ZNF227: variants seen among roughly 807,000 people sequenced by gnomAD.
The protein encoded by ZNF227 is zinc finger protein 227.
ZNF227 carries 12 observed loss-of-function variants against 13.2 expected under a neutral mutation model. The ratio of observed to expected loss-of-function variants is 0.91; its 90% CI spans 0.58 to 1.47. The LOEUF (loss-of-function observed/expected upper bound fraction) is 1.47. ZNF227 is among the 40% of genes most tolerant of loss of function. The pLI is 0.00. For synonymous variants in ZNF227, 338 were observed against 326.0 expected (o/e 1.04, Z -0.40); for missense variants, 885 against 967.5 (o/e 0.91, Z 1.13).
At chr19:44,221,939 A>ATT (rs1412201416) in intron 3 of ZNF227, among the ~76,000 whole-genome samples, 3 of 152,198 alleles carry the variant, frequency 2.0e-5, no homozygotes, top group Non-Finnish European at 4.4e-5. Flanking sequence ...TAATTTTTGT[A>ATT]TAAAGTGTAA....
rs1207618198 is a variant in ZNF227 at position 44,228,457 on chromosome 19, A to G, written c.72A>G (p.Thr24=). The G allele has an allele frequency of 6.2e-7, 1 of 1,612,996 alleles. No individual in the cohort carries two copies. The highest frequency in any genetic ancestry group is 1.3e-5 in the African/African-American group (1 of 74,744). ...EKMTKFQEAV[T]FKDVAVVFSR... ...GTTTGATATTGTAGGAGGCTGTGACATTCAAGGATGTGGCTGTGGTCTTCT... is the reference window on the plus strand; with the variant it reads ...GTTTGATATTGTAGGAGGCTGTGACGTTCAAGGATGTGGCTGTGGTCTTCT... Residue 24 remains threonine (T), a synonymous_variant, in exon 4 of 6, where the codon ACA becomes ACG. Transcript: ENST00000313040.
intron 2 of ZNF227, among the ~76,000 whole-genome samples, chr19:44,214,526 C>T (rs1018851158): frequency 6.6e-6 from 1 of 151,914 alleles, no homozygotes; most frequent in Non-Finnish European, 1.5e-5. Flanking sequence ...TACAGGTGTG[C>T]GCCATCACTC....
chr19:44,235,623 A>G lies in ZNF227; in HGVS notation c.1193A>G (p.His398Arg). ...GGTTGGAGTGTTAATCTCCGTGTTC[A>G]CCAGAGGGTCCACAGGGGTGAGAAG... is the stretch of plus-strand genomic sequence containing the variant. ...GFGWSVNLRV[H>R]QRVHRGEKPY... Residue 398 changes from histidine to arginine, a missense_variant, in exon 6 of 6, where the codon CAC (histidine) becomes CGC (arginine). By Grantham distance (29) the His-to-Arg change is conservative (BLOSUM62 0). Coordinates refer to ENST00000313040, the MANE Select transcript of ZNF227 (RefSeq NM_182490.3). 1 of 1,614,162 alleles carries G rather than the reference A, an allele frequency of 6.2e-7. No homozygotes were observed. Among genetic ancestry groups the G allele is most frequent in the Non-Finnish European group, 8.5e-7 (1 of 1,180,022 alleles).
chr19:44,228,345 C>A, intron 3 of ZNF227, 101 bp from the exon 4 acceptor site: 2 of 1,394,586 alleles, frequency 1.4e-6, no homozygotes, highest in Non-Finnish European at 1.9e-6. Context: ...CTCTTGGAAT[C>A]TATAACAACT....
chr19:44,234,563 C>A, intron 5 of ZNF227, 139 bp from the exon 6 acceptor site: 1 of 751,486 alleles, frequency 1.3e-6, no homozygotes, highest in Non-Finnish European at 2.1e-6. Context: ...AAAGAATACA[C>A]GATGCTGTAA....
At chr19:44,210,879 G>A (rs560553468), upstream of ZNF227, among the ~76,000 whole-genome samples, 21 of 152,246 alleles carry the variant, frequency 1.4e-4, no homozygotes, top group East Asian at 3.7e-3. Flanking sequence ...TAAACTAGAG[G>A]ACATTATTTG....
chr19:44,222,321 G>A (rs1972614352), intron 3 of ZNF227, among the ~76,000 whole-genome samples: 1 of 152,142 alleles, frequency 6.6e-6, no homozygotes, highest in Non-Finnish European at 1.5e-5. Flanking sequence ...TAGCTTGATG[G>A]GGATGGCATT....
rs1450457261 is a variant in ZNF227, at chr19:44,217,786, C to A, written c.-2-5C>A. ...GTGTCTCATGGCGTCTTTGGTCTCC[C>A]CCAGTTATGCCATCTCAGAACTATG... On this transcript the variant is annotated splice_polypyrimidine_tract_variant and splice_region_variant and intron_variant, in intron 2 of 5. Transcript: ENST00000313040. 1 of 1,614,218 alleles carries A rather than the reference C, an allele frequency of 6.2e-7. No individual in the cohort carries two copies. Among genetic ancestry groups the A allele is most frequent in the African/African-American group, 1.3e-5 (1 of 75,068 alleles).
chr19:44,222,974 G>C (rs1399637235), intron 3 of ZNF227, among the ~76,000 whole-genome samples: 2 of 151,886 alleles, frequency 1.3e-5, no homozygotes, highest in Non-Finnish European at 2.9e-5. Context: ...TTAGCATGAA[G>C]GGTTGTTGAA....
intron 2 of ZNF227, 125 bp from the exon 3 acceptor site, chr19:44,217,666 G>A: frequency 9.8e-7 from 1 of 1,023,242 alleles, no homozygotes; most frequent in Non-Finnish European, 1.6e-6. Context: ...TACAGTCCAT[G>A]TTCTGCTTAC....
Position 44,236,302 on chromosome 19 carries a change from A to C in ZNF227, c.1872A>C (p.Arg624Ser). The change falls in exon 6 of 6, where the codon AGA (arginine) becomes AGC (serine). Residue 624 changes from arginine to serine, a missense_variant. Coordinates refer to ENST00000313040, the MANE Select transcript of ZNF227 (RefSeq NM_182490.3). ...CCATAGATTTTCGGGTACATCAGAG[A>C]GTCCATACTGGAGAGAAGCCATACA... ...SQAIDFRVHQ[R>S]VHTGEKPYKC... 1 of 1,613,742 alleles carries C rather than the reference A, an allele frequency of 6.2e-7. No homozygotes were observed. Among genetic ancestry groups the C allele is most frequent in the Non-Finnish European group, 8.5e-7 (1 of 1,179,882 alleles).
intron 3 of ZNF227, among the ~76,000 whole-genome samples, chr19:44,227,796 A>T (rs1415017961): frequency 1.3e-5 from 2 of 152,238 alleles, no homozygotes; most frequent in African/African-American, 4.8e-5. Flanking sequence ...GAACCTGGCC[A>T]GACTCCAGAG....
Position 44,219,799 on chromosome 19 carries a change from C to CT in ZNF227, c.60+1950dup, listed in dbSNP as rs1226896140. On this transcript the variant is annotated intron_variant, in intron 3 of 5. Transcript: ENST00000313040. The stretch of plus-strand genomic sequence containing the variant: ...TATTTATTTATTTATTATTATTATA[C>CT]TTTAAGTTTTAGGGTACATGTGCAC... 7.4e-5 allele frequency among the ~76,000 whole-genome samples: 11 copies of CT among 149,298 alleles called. 1 individual carries two copies. Among genetic ancestry groups the CT allele is most frequent in the Middle Eastern group, 3.4e-3 (1 of 292 alleles).
chr19:44,221,322 C>T (rs1972488644), intron 3 of ZNF227, among the ~76,000 whole-genome samples: 2 of 152,216 alleles, frequency 1.3e-5, no homozygotes, highest in South Asian at 4.1e-4. Context: ...TTCTAGATCC[C>T]TGAGGAATCG....
chr19:44,228,298 A>T, intron 3 of ZNF227, 148 bp from the exon 4 acceptor site: 1 of 860,386 alleles, frequency 1.2e-6, no homozygotes, highest in Non-Finnish European at 1.8e-6. Context: ...AGATAGTGAG[A>T]CAGGGAAAAC....
chr19:44,236,295 A>G lies in ZNF227; in HGVS notation c.1865A>G (p.His622Arg). The change falls in exon 6 of 6, where the codon CAT becomes CGT. Residue 622 changes from histidine (H) to arginine (R), a missense_variant. His to Arg is a conservative substitution (Grantham distance 29, BLOSUM62 0). Coordinates refer to ENST00000313040, the MANE Select transcript of ZNF227 (RefSeq NM_182490.3). ...AGTCAGGCCATAGATTTTCGGGTAC[A>G]TCAGAGAGTCCATACTGGAGAGAAG... ...SFSQAIDFRV[H>R]QRVHTGEKPY... 4 of 1,613,974 alleles carry G rather than the reference A, an allele frequency of 2.5e-6. No individual in the cohort carries two copies. The highest frequency in any genetic ancestry group is 3.4e-6 in the Non-Finnish European group (4 of 1,179,956).
chr19:44,214,534 C>G (rs1441759525), intron 2 of ZNF227, among the ~76,000 whole-genome samples: 1 of 152,036 alleles, frequency 6.6e-6, no homozygotes, highest in Non-Finnish European at 1.5e-5. Context: ...TGCGCCATCA[C>G]TCCCAGCTAA....
intron 3 of ZNF227, among the ~76,000 whole-genome samples, chr19:44,225,222 T>C (rs1972985108): frequency 6.6e-6 from 1 of 151,996 alleles, no homozygotes; most frequent in Non-Finnish European, 1.5e-5. Context: ...ATTTCAACTT[T>C]GGTGAATCTG....
At chr19:44,221,628 ATTTG>A (rs1298590047) in intron 3 of ZNF227, among the ~76,000 whole-genome samples, 3 of 152,028 alleles carry the variant, frequency 2.0e-5, no homozygotes, top group African/African-American at 7.2e-5. Context: ...TTTCTTGTAA[ATTTG>A]TTTGAGTTCA....
Sources: allele counts gnomAD v4.1 joint callset (sites outside exome capture counted in the v4.1 genomes callset), GRCh38; gene constraint gnomAD v4.1.1; transcripts MANE v1.5; gene names NCBI Gene and HGNC (gene_info 2026-07-23, HGNC 2026-07-21).